Variants in SAMD5 observed in about 807,000 individuals in gnomAD.
SAMD5 encodes the protein sterile alpha motif domain-containing protein 5.
Under a neutral mutation model 11.3 loss-of-function variants are expected in SAMD5, and 13 were observed. The ratio of observed to expected loss-of-function variants is 1.15; its 90% CI spans 0.75 to 1.83. The LOEUF is 1.83. Ranked by LOEUF, SAMD5 falls within the 40% of genes most tolerant of loss-of-function variation. The probability of loss-of-function intolerance (pLI) is 0.00; values close to 1 mark genes in which losing one functional copy is unlikely to be tolerated. For synonymous variants in SAMD5, 129 were observed against 111.3 expected, an observed-to-expected ratio of 1.16 and a Z score of -1.00; for missense variants, 255 against 239.1, an observed-to-expected ratio of 1.07 and a Z score of -0.44.
chr6:147,905,699 A>G, the SAMD5 span, among the ~76,000 whole-genome samples: 2 of 152,312 alleles, frequency 1.3e-5, no homozygotes, highest in African/African-American at 4.8e-5. Context: ...CATGAATAAA[A>G]TACACCAGGG....
chr6:147,723,191 G>C (rs1372601006), intron 1 of SAMD5, among the ~76,000 whole-genome samples: 1 of 152,132 alleles, frequency 6.6e-6, no homozygotes, highest in Admixed American at 6.5e-5. Flanking sequence ...GGACCTTGAG[G>C]GTAAGGCTTT....
At chr6:147,543,151 T>A (rs1339213513) in intron 1 of SAMD5, among the ~76,000 whole-genome samples, 2 of 152,194 alleles carry the variant, frequency 1.3e-5, no homozygotes, top group African/African-American at 4.8e-5. Flanking sequence ...AACCTATATC[T>A]GTCCCAGGAT....
intron 1 of SAMD5, among the ~76,000 whole-genome samples, chr6:147,548,649 C>CT (rs369709356): frequency 5.1e-4 from 77 of 152,236 alleles, no homozygotes; most frequent in African/African-American, 1.7e-3. Flanking sequence ...TCCTCTATGC[C>CT]TTTTTTCCCT....
At chr6:147,753,406 T>C in the SAMD5 span, among the ~76,000 whole-genome samples, 130 of 152,294 alleles carry the variant, frequency 8.5e-4, no homozygotes, top group African/African-American at 3.0e-3. Context: ...TCATTCTCAT[T>C]AGTACAACAT....
At position 147,564,716 on chromosome 6, in the gene SAMD5, A is replaced by G; in HGVS notation, c.*260A>G. The G allele has an allele frequency of 8.5e-7, 1 of 1,171,850 alleles. No homozygotes were observed. Among genetic ancestry groups the G allele is most frequent in the East Asian group, 5.2e-5 (1 of 19,370 alleles). The allele number at this position is 1,171,850 out of a possible 1,614,324, so 72.6% of individuals were successfully genotyped here. On this transcript the variant is annotated 3_prime_UTR_variant, in exon 2 of 2. Coordinates refer to ENST00000367474, the MANE Select transcript of SAMD5 (RefSeq NM_001030060.3). ...TTTTTTAAGAAGATATCATGATGAG[A>G]TACAGTCTTATGCATTTCTTGGCAT...
chr6:147,939,405 T>G, the SAMD5 span, among the ~76,000 whole-genome samples: 1 of 152,054 alleles, frequency 6.6e-6, no homozygotes, highest in Non-Finnish European at 1.5e-5. Context: ...TTCCAACCCT[T>G]TAATCATGCC....
chr6:147,553,398 G>T (rs1191294521), intron 1 of SAMD5, among the ~76,000 whole-genome samples: 3 of 152,188 alleles, frequency 2.0e-5, no homozygotes, highest in African/African-American at 2.4e-5. Flanking sequence ...AGGCTGGCTG[G>T]TTTGGTTTGA....
At chr6:147,833,157 A>G in the SAMD5 span, among the ~76,000 whole-genome samples, 1 of 152,094 alleles carries the variant, frequency 6.6e-6, no homozygotes, top group Middle Eastern at 3.2e-3. Flanking sequence ...ACTTTGTAGA[A>G]CTCATTGGCC....
intron 1 of SAMD5, among the ~76,000 whole-genome samples, chr6:147,603,136 T>C (rs1789648583): frequency 6.6e-6 from 1 of 152,152 alleles, no homozygotes; most frequent in Non-Finnish European, 1.5e-5. Context: ...AAGAAACAGA[T>C]CTTATGTTTC....
At chr6:147,751,841 A>G in the SAMD5 span, among the ~76,000 whole-genome samples, 2 of 152,046 alleles carry the variant, frequency 1.3e-5, no homozygotes, top group African/African-American at 4.8e-5. Context: ...CTTTTTTTTC[A>G]GAAGAGATCT....
chr6:147,753,404 A>ATTAG, the SAMD5 span, among the ~76,000 whole-genome samples: 3 of 152,160 alleles, frequency 2.0e-5, no homozygotes, highest in African/African-American at 7.2e-5. Flanking sequence ...CTTCATTCTC[A>ATTAG]TTAGTACAAC....
intron 1 of SAMD5, among the ~76,000 whole-genome samples, chr6:147,667,568 C>G (rs1790740700): frequency 6.6e-6 from 1 of 152,160 alleles, no homozygotes; most frequent in African/African-American, 2.4e-5. Flanking sequence ...AGGTTCTCTC[C>G]ATTCACCAAC....
chr6:147,591,369 A>T (rs980826452), intron 1 of SAMD5, among the ~76,000 whole-genome samples: 1 of 152,182 alleles, frequency 6.6e-6, no homozygotes, highest in African/African-American at 2.4e-5. Context: ...CGTGCCCAGC[A>T]CGGGACCCTG....
At chr6:147,552,576 A>C (rs1399001345) in intron 1 of SAMD5, among the ~76,000 whole-genome samples, 1 of 152,172 alleles carries the variant, frequency 6.6e-6, no homozygotes, top group Non-Finnish European at 1.5e-5. Context: ...GTTTTATATA[A>C]ACACATTTGA....
chr6:147,852,003 A>G, the SAMD5 span, among the ~76,000 whole-genome samples: 2 of 152,312 alleles, frequency 1.3e-5, no homozygotes, highest in East Asian at 3.9e-4. Context: ...AAAAGCCAGC[A>G]ATTGCTTATA....
At chr6:147,655,441 C>T (rs1264869529) in intron 1 of SAMD5, among the ~76,000 whole-genome samples, 1 of 151,998 alleles carries the variant, frequency 6.6e-6, no homozygotes, top group Non-Finnish European at 1.5e-5. Context: ...GCATGTATAT[C>T]CACGTTGCCC....
At chr6:147,921,237 CA>C in the SAMD5 span, among the ~76,000 whole-genome samples, 1 of 149,698 alleles carries the variant, frequency 6.7e-6, no homozygotes, top group Non-Finnish European at 1.5e-5. Flanking sequence ...GTCACAATAC[CA>C]GAGAACACTT....
the SAMD5 span, among the ~76,000 whole-genome samples, chr6:147,802,051 C>T: frequency 0.012 from 1,876 of 152,172 alleles, 49 homozygotes; most frequent in African/African-American, 0.042. Flanking sequence ...CAGGAAAAAA[C>T]TGATAAACTA....
At chr6:147,932,452 A>G in the SAMD5 span, among the ~76,000 whole-genome samples, 1 of 152,274 alleles carries the variant, frequency 6.6e-6, no homozygotes, top group Non-Finnish European at 1.5e-5. Flanking sequence ...ATCAAAGGGT[A>G]TTCTACTTTT....
Sources: allele counts gnomAD v4.1 joint callset (sites outside exome capture counted in the v4.1 genomes callset), GRCh38; gene constraint gnomAD v4.1.1; transcripts MANE v1.5; gene names NCBI Gene and HGNC (gene_info 2026-07-23, HGNC 2026-07-21).